DPP10: variants seen among roughly 807,000 people sequenced by gnomAD.
DPP10 encodes inactive dipeptidyl peptidase 10.
DPP10 carries 33 observed loss-of-function variants against 120.9 expected under a neutral mutation model. The ratio of observed to expected loss-of-function variants is 0.27; its 90% CI spans 0.21 to 0.37. The LOEUF is 0.37. Among genes scored for constraint, DPP10 ranks in the 10% least tolerant of loss-of-function variants. The pLI is 1.00. For synonymous variants in DPP10, 337 were observed against 326.1 expected, an observed-to-expected ratio of 1.03 and a Z score of -0.36; for missense variants, 816 against 942.8, an observed-to-expected ratio of 0.87 and a Z score of 1.76.
intron 1 of DPP10, among the ~76,000 whole-genome samples, chr2:115,000,028 T>G (rs183893442): frequency 6.8e-6 from 1 of 148,120 alleles, no homozygotes; most frequent in Admixed American, 6.8e-5. Flanking sequence ...TTTTTTTTAA[T>G]TTATCAGTCT....
At chr2:114,936,597 G>A (rs1343145660) in intron 1 of DPP10, among the ~76,000 whole-genome samples, 1 of 152,022 alleles carries the variant, frequency 6.6e-6, no homozygotes, top group African/African-American at 2.4e-5. Context: ...CTTCCTCTGG[G>A]TAGAAACTTT....
At chr2:115,764,975 G>C (rs1355898221) in intron 12 of DPP10, among the ~76,000 whole-genome samples, 1 of 152,114 alleles carries the variant, frequency 6.6e-6, no homozygotes, top group Non-Finnish European at 1.5e-5. Context: ...GAGATGACCA[G>C]TGTGTAATAT....
At chr2:114,999,562 G>A (rs568150305) in intron 1 of DPP10, among the ~76,000 whole-genome samples, 1 of 152,156 alleles carries the variant, frequency 6.6e-6, no homozygotes, top group Admixed American at 6.5e-5. Flanking sequence ...CATTAAAAAT[G>A]TTCTCTTTCC....
intron 1 of DPP10, among the ~76,000 whole-genome samples, chr2:114,946,293 G>A (rs1697342061): frequency 6.6e-6 from 1 of 152,126 alleles, no homozygotes; most frequent in East Asian, 1.9e-4. Context: ...ATTCTATATA[G>A]TATCTTCACA....
At chr2:114,680,665 C>A (rs75947814) in intron 1 of DPP10, among the ~76,000 whole-genome samples, 1 of 151,828 alleles carries the variant, frequency 6.6e-6, no homozygotes, top group Non-Finnish European at 1.5e-5. Flanking sequence ...GTACAAATGG[C>A]CTAATGAATA....
intron 1 of DPP10, among the ~76,000 whole-genome samples, chr2:115,064,245 G>A (rs1199485615): frequency 6.6e-6 from 1 of 151,958 alleles, no homozygotes; most frequent in Admixed American, 6.6e-5. Flanking sequence ...TTCTTAGGTT[G>A]AGATTCCCAG....
intron 1 of DPP10, among the ~76,000 whole-genome samples, chr2:115,165,378 C>G (rs969912454): frequency 6.6e-6 from 1 of 152,122 alleles, no homozygotes; most frequent in Non-Finnish European, 1.5e-5. Context: ...AATCATGATA[C>G]AACATATTTC....
intron 3 of DPP10, among the ~76,000 whole-genome samples, chr2:115,350,336 A>G (rs199698410): frequency 6.6e-6 from 1 of 152,262 alleles, no homozygotes; most frequent in East Asian, 1.9e-4. Flanking sequence ...ATGCCAAAAT[A>G]TTAAATAATT....
At chr2:114,924,747 C>T (rs549335275) in intron 1 of DPP10, among the ~76,000 whole-genome samples, 1 of 152,106 alleles carries the variant, frequency 6.6e-6, no homozygotes, top group Non-Finnish European at 1.5e-5. Flanking sequence ...AAATGATATT[C>T]TAGCCCCTCA....
intron 5 of DPP10, among the ~76,000 whole-genome samples, chr2:115,564,457 C>T (rs2080880025): frequency 6.6e-6 from 1 of 152,034 alleles, no homozygotes. Context: ...AATTTGTACC[C>T]AGAATTTTCT....
intron 19 of DPP10, among the ~76,000 whole-genome samples, chr2:115,797,730 T>G (rs1177136621): frequency 6.6e-6 from 1 of 151,942 alleles, no homozygotes; most frequent in African/African-American, 2.4e-5. Context: ...CTTGAACATA[T>G]TTAAACTTGT....
chr2:114,856,601 A>C (rs1444861864), intron 1 of DPP10, among the ~76,000 whole-genome samples: 2 of 152,220 alleles, frequency 1.3e-5, no homozygotes, highest in African/African-American at 4.8e-5. Context: ...CACAAGTATA[A>C]TATTTTGTGA....
At chr2:114,855,863 A>G (rs1015934524) in intron 1 of DPP10, among the ~76,000 whole-genome samples, 9 of 152,120 alleles carry the variant, frequency 5.9e-5, no homozygotes, top group Non-Finnish European at 1.3e-4. Flanking sequence ...TGGATCTGAA[A>G]TAAATATGCT....
chr2:115,719,865 C>T (rs1043600090), intron 7 of DPP10, among the ~76,000 whole-genome samples: 2 of 152,116 alleles, frequency 1.3e-5, no homozygotes, highest in Non-Finnish European at 2.9e-5. Flanking sequence ...AACAAAACAT[C>T]GTTCACACTA....
intron 1 of DPP10, among the ~76,000 whole-genome samples, chr2:114,475,764 T>A (rs144493235): frequency 6.6e-6 from 1 of 152,336 alleles, no homozygotes; most frequent in Non-Finnish European, 1.5e-5. Flanking sequence ...AGACAACTTT[T>A]CCTCTCCTAG....
intron 1 of DPP10, among the ~76,000 whole-genome samples, chr2:115,014,925 A>G (rs1043816017): frequency 6.6e-6 from 1 of 152,030 alleles, no homozygotes; most frequent in Non-Finnish European, 1.5e-5. Flanking sequence ...CAGAGGTACA[A>G]AGAGGAGCTG....
chr2:114,937,776 C>T (rs1366601212), intron 1 of DPP10, among the ~76,000 whole-genome samples: 4 of 152,076 alleles, frequency 2.6e-5, no homozygotes, highest in South Asian at 2.1e-4. Flanking sequence ...TAAGCAAGGT[C>T]GGGCCTGGCT....
chr2:115,162,298 A>G (rs2052459679), intron 1 of DPP10: 15 of 1,507,324 alleles, frequency 1.0e-5, no homozygotes, highest in Non-Finnish European at 1.3e-5. Context: ...GCCCCGGGGA[A>G]CCCCGGCGGG....
intron 1 of DPP10, among the ~76,000 whole-genome samples, chr2:114,446,021 T>A (rs561336815): frequency 2.6e-5 from 4 of 152,192 alleles, no homozygotes; most frequent in Admixed American, 6.5e-5. Flanking sequence ...AACATTCTTT[T>A]AAAAAAAATC....
Sources: gnomAD v4.1 joint callset for allele counts (sites outside exome capture counted in the v4.1 genomes callset) on GRCh38, gnomAD v4.1.1 for gene constraint, MANE v1.5 for transcripts, NCBI Gene and HGNC (gene_info 2026-07-23, HGNC 2026-07-21) for gene names.